The following RNF39 variants were observed in gnomAD, a reference collection of about 807,000 sequenced individuals.
RNF39 encodes LTP (long-term potentiation) induced RING finger protein.
In RNF39, 25 loss-of-function variants were observed where a neutral mutation model predicts 29.2. The observed-to-expected ratio is 0.86, with a 90% CI of 0.62 to 1.20. The LOEUF is 1.20. Ranked by LOEUF, RNF39 falls within the 50% of genes most tolerant of loss-of-function variation. The pLI is 0.00. For synonymous variants in RNF39, 219 were observed against 229.0 expected (o/e 0.96, Z 0.40); for missense variants, 519 against 515.0 (o/e 1.01, Z -0.08).
chr6:30,071,537 G>C lies in RNF39; in HGVS notation c.633C>G (p.Phe211Leu), dbSNP rs2127316997. The change falls in exon 4 of 4, where the codon TTC (phenylalanine) becomes TTG (leucine). Residue 211 changes from phenylalanine to leucine, a missense_variant. Coordinates refer to ENST00000244360, the MANE Select transcript of RNF39 (RefSeq NM_025236.4). This position sits in a 1 kb window ranked among gnomAD's most constrained non-coding sequence, Gnocchi z 5.0. Reference protein sequence around the residue: ...QLPAVLGAQGFGAGRHCWEVE... With the variant: ...QLPAVLGAQGLGAGRHCWEVE... ...CCTCCCAGCAGTGGCGGCCGGCCCCGAAGCCCTGCGCACCCAGCACAGCTG... is the reference window on the plus strand; with the variant it reads ...CCTCCCAGCAGTGGCGGCCGGCCCCCAAGCCCTGCGCACCCAGCACAGCTG... 5.3e-6 allele frequency: 8 copies of C among 1,522,674 alleles called. No individual in the cohort carries two copies. The highest frequency in any genetic ancestry group is 7.0e-6 in the Non-Finnish European group (8 of 1,139,930). The allele number at this position is 1,522,674 out of a possible 1,614,324, so 94.3% of individuals were successfully genotyped here.
In RNF39 at chr6:30,072,175, G is replaced by C. The variant is rs1766044258; in HGVS notation, c.479-484C>G. On this transcript the variant is annotated intron_variant, in intron 3 of 3. Coordinates refer to ENST00000244360, the MANE Select transcript of RNF39 (RefSeq NM_025236.4). This position sits in a 1 kb window ranked among gnomAD's most constrained non-coding sequence, Gnocchi z 4.5. ...GGGAGGGGCACAGGGAGGAATCCAAGGTATCCTGAGAAACCAGCCCACCCA... is the reference window on the plus strand; with the variant it reads ...GGGAGGGGCACAGGGAGGAATCCAACGTATCCTGAGAAACCAGCCCACCCA... Among the ~76,000 whole-genome samples, 1 of 152,072 alleles carries C rather than the reference G, an allele frequency of 6.6e-6. No homozygotes were observed. Among genetic ancestry groups the C allele is most frequent in the Non-Finnish European group, 1.5e-5 (1 of 68,010 alleles).
In RNF39 at chr6:30,073,197, T is replaced by A; in HGVS notation, c.438A>T (p.Glu146Asp). ...KSSNSEDDLP[E>D]DYPVVKKMLH... ...GCATTTTTTTGACCACTGGATAATC[T>A]TCAGGGAGATCATCCTCTGAATTAG... Residue 146 changes from glutamate (E) to aspartate (D), a missense_variant, in exon 3 of 4, where the codon GAA becomes GAT. Physicochemically the swap from Glu to Asp is conservative, Grantham distance 45. Coordinates refer to ENST00000244360, the MANE Select transcript of RNF39 (RefSeq NM_025236.4). 1.2e-6 allele frequency: 2 copies of A among 1,612,596 alleles called. No homozygotes were observed. The highest frequency in any genetic ancestry group is 1.7e-6 in the Non-Finnish European group (2 of 1,178,628).
chr6:30,073,092 T>G, intron 3 of RNF39, 65 bp downstream of exon 3: 1 of 1,201,808 alleles, frequency 8.3e-7, no homozygotes, highest in Non-Finnish European at 1.2e-6. Context: ...TTTTTAGGGC[T>G]AAAAGGAAGA....
rs1765928572 is a variant in RNF39, at chr6:30,071,209, C to T, written c.961G>A (p.Ala321Thr). ...YDGRSLDLLY[A>T]FQAPGPLGER... Reference sequence around the variant, plus strand: ...CCCAGGGGGCCAGGCGCCTGGAAGGCGTAAAGCAGGTCGAGTGAGCGGCCG... The same window carrying T: ...CCCAGGGGGCCAGGCGCCTGGAAGGTGTAAAGCAGGTCGAGTGAGCGGCCG... The change falls in exon 4 of 4, where the codon GCC becomes ACC. Residue 321 changes from alanine to threonine, a missense_variant. Physicochemically the swap from Ala to Thr is moderately conservative, Grantham distance 58 (BLOSUM62 0). Transcript: ENST00000244360. This position sits in a 1 kb window ranked among gnomAD's most constrained non-coding sequence, Gnocchi z 5.0. 2 of 1,515,746 alleles carry T rather than the reference C, an allele frequency of 1.3e-6. No individual in the cohort carries two copies. Among genetic ancestry groups the T allele is most frequent in the African/African-American group, 1.4e-5 (1 of 71,702 alleles). The allele number at this position is 1,515,746 out of a possible 1,614,324, so 93.9% of individuals were successfully genotyped here.
At chr6:30,073,024 G>T in intron 3 of RNF39, 133 bp downstream of exon 3, 1 of 657,844 alleles carries the variant, frequency 1.5e-6, no homozygotes. Flanking sequence ...CTACTTTGCG[G>T]TGCTTCATTA....
At chr6:30,073,037 G>T in intron 3 of RNF39, 120 bp downstream of exon 3, 1 of 707,614 alleles carries the variant, frequency 1.4e-6, no homozygotes. Context: ...CTTCATTAGA[G>T]CAGTACTAGG....
rs1309926576 is a variant in RNF39, at chr6:30,074,935, C to T, written c.363+288G>A. Among the ~76,000 whole-genome samples, 2 of 152,048 alleles carry T rather than the reference C, an allele frequency of 1.3e-5. No homozygotes were observed. Among genetic ancestry groups the T allele is most frequent in the African/African-American group, 2.4e-5 (1 of 41,404 alleles). ...AGGGCTCTCCGCGTTCTATCCGGTA[C>T]CCCTTCTCTGCCTCCCCAGTCTCTT... is the stretch of plus-strand genomic sequence containing the variant. On this transcript the variant is annotated intron_variant, in intron 1 of 3. Coordinates refer to ENST00000244360, the MANE Select transcript of RNF39 (RefSeq NM_025236.4). The surrounding 1 kb of genome is among the most constrained non-coding windows in gnomAD (Gnocchi z 4.1).
rs1461731184 is a variant in RNF39 at position 30,072,216 on chromosome 6, G to A, written c.479-525C>T. 6.6e-6 allele frequency among the ~76,000 whole-genome samples: 1 copy of A among 152,128 alleles called. No homozygotes were observed. The highest frequency in any genetic ancestry group is 1.5e-5 in the Non-Finnish European group (1 of 68,006). On this transcript the variant is annotated intron_variant, in intron 3 of 3. Coordinates refer to ENST00000244360, the MANE Select transcript of RNF39 (RefSeq NM_025236.4). This position sits in a 1 kb window ranked among gnomAD's most constrained non-coding sequence, Gnocchi z 4.5. ...AGCCCACCCACCCACAGGAATTGGGGGGTGGGGTGGACAGTCCTATTTCTG... is the reference window on the plus strand; with the variant it reads ...AGCCCACCCACCCACAGGAATTGGGAGGTGGGGTGGACAGTCCTATTTCTG...
Position 30,070,275 on chromosome 6 carries a change from C to T in RNF39, c.*836G>A, listed in dbSNP as rs144268715. 1 of 156,480 alleles carries T rather than the reference C, an allele frequency of 6.4e-6. No individual in the cohort carries two copies. Among genetic ancestry groups the T allele is most frequent in the East Asian group, 1.9e-4 (1 of 5,318 alleles). 9.7% of individuals were successfully genotyped at this position (156,480 alleles called of 1,614,324 possible). A position where few individuals can be genotyped will look rare whatever the true frequency, so the allele number is the denominator to read the frequency against. ...ACAGAGATCAGTCAAATCCATACCA[C>T]CACTGAGATCTCATTTATTGCCACA... On this transcript the variant is annotated 3_prime_UTR_variant, in exon 4 of 4. Coordinates refer to ENST00000244360, the MANE Select transcript of RNF39 (RefSeq NM_025236.4).
Position 30,071,656 on chromosome 6 carries a change from G to A in RNF39, c.514C>T (p.Arg172Cys). The A allele has an allele frequency of 2.1e-6, 3 of 1,430,528 alleles. No individual in the cohort carries two copies. Among genetic ancestry groups the A allele is most frequent in the Non-Finnish European group, 2.7e-6 (3 of 1,098,880 alleles). 88.6% of individuals were successfully genotyped at this position (1,430,528 alleles called of 1,614,324 possible). A position where few individuals can be genotyped will look rare whatever the true frequency, so the allele number is the denominator to read the frequency against. The change falls in exon 4 of 4, where the codon CGC (arginine) becomes TGC (cysteine). Residue 172 changes from arginine to cysteine, a missense_variant. Transcript: ENST00000244360. This position sits in a 1 kb window ranked among gnomAD's most constrained non-coding sequence, Gnocchi z 5.0. ...LTLDPGTAHR[R>C]LLISADRRSV... ...CGGCGGTCGGCGGAGATGAGCAGGC[G>A]GCGGTGTGCGGTCCCAGGGTCCAGG...
At chr6:30,075,084 C>G (rs2285805) in intron 1 of RNF39, 139 bp downstream of exon 1, 72,633 of 902,694 alleles carry the variant, frequency 0.08, 4,441 homozygotes, top group African/African-American at 0.22. Flanking sequence ...TCCTCGCCCC[C>G]TCATCCTTTG....
rs552352201 is a variant in RNF39 at position 30,071,867 on chromosome 6, T to TG, written c.479-177dup. On this transcript the variant is annotated intron_variant, in intron 3 of 3. Transcript: ENST00000244360. This position sits in a 1 kb window ranked among gnomAD's most constrained non-coding sequence, Gnocchi z 5.0. ...AAGGAAGGCATATGAAGAGCAGACC[T>TG]GGGCAATATCAGACCTTGTACTGAT... is the stretch of plus-strand genomic sequence containing the variant. 2.4e-3 allele frequency among the ~76,000 whole-genome samples: 367 copies of TG among 152,280 alleles called. 3 individuals carry two copies. Among genetic ancestry groups the TG allele is most frequent in the African/African-American group, 7.5e-3 (312 of 41,556 alleles).
chr6:30,073,323 T>A (rs1353991260), intron 2 of RNF39, 75 bp from the exon 3 acceptor site: 2 of 1,493,858 alleles, frequency 1.3e-6, no homozygotes, highest in Non-Finnish European at 1.9e-6. Flanking sequence ...CACTCACATC[T>A]CTGGAGGAAG....
At position 30,075,686 on chromosome 6, in the gene RNF39, T is replaced by G; in HGVS notation, c.-101A>C. 1.2e-6 allele frequency: 2 copies of G among 1,613,442 alleles called. No homozygotes were observed. Among genetic ancestry groups the G allele is most frequent in the Non-Finnish European group, 8.5e-7 (1 of 1,179,776 alleles). On this transcript the variant is annotated 5_prime_UTR_variant, in exon 1 of 4. Transcript: ENST00000244360. ...CCTGCTGCTTGCTGTGTAGATGCCC[T>G]TCTCTCCGACTCCCGCATTAACTTT... is the stretch of plus-strand genomic sequence containing the variant.
At position 30,071,604 on chromosome 6, in the gene RNF39, G is replaced by C; in HGVS notation, c.566C>G (p.Thr189Arg). The change falls in exon 4 of 4, where the codon ACG (threonine) becomes AGG (arginine). Residue 189 changes from threonine to arginine, a missense_variant. Physicochemically the swap from Thr to Arg is moderately conservative, Grantham distance 71. Coordinates refer to ENST00000244360, the MANE Select transcript of RNF39 (RefSeq NM_025236.4). This position sits in a 1 kb window ranked among gnomAD's most constrained non-coding sequence, Gnocchi z 5.0. ...CTTGGGGCCGTCAGGGGGCGCGGGCGTCCCTGGTGGGGCCAGTTGTACGCT... is the reference window on the plus strand; with the variant it reads ...CTTGGGGCCGTCAGGGGGCGCGGGCCTCCCTGGTGGGGCCAGTTGTACGCT... Reference protein sequence around the residue: ...RRSVQLAPPGTPAPPDGPKRF... With the variant: ...RRSVQLAPPGRPAPPDGPKRF... 6.8e-7 allele frequency: 1 copy of C among 1,463,464 alleles called. No individual in the cohort carries two copies. The highest frequency in any genetic ancestry group is 9.0e-7 in the Non-Finnish European group (1 of 1,114,344). 90.7% of individuals were successfully genotyped at this position (1,463,464 alleles called of 1,614,324 possible).
chr6:30,074,616 C>T lies in RNF39; in HGVS notation c.363+607G>A, dbSNP rs905720821. Among the ~76,000 whole-genome samples the T allele has an allele frequency of 1.3e-5, 2 of 152,138 alleles. No homozygotes were observed. Among genetic ancestry groups the T allele is most frequent in the Non-Finnish European group, 1.5e-5 (1 of 67,996 alleles). On this transcript the variant is annotated intron_variant, in intron 1 of 3. Transcript: ENST00000244360. The surrounding 1 kb of genome is among the most constrained non-coding windows in gnomAD (Gnocchi z 4.1). ...TCCGAGACCAACCCCCACGACGCTACGGGGAGGTTTGGATATGCCCCAACC... is the reference window on the plus strand; with the variant it reads ...TCCGAGACCAACCCCCACGACGCTATGGGGAGGTTTGGATATGCCCCAACC...
Position 30,071,830 on chromosome 6 carries a change from A to C in RNF39, c.479-139T>G. On this transcript the variant is annotated intron_variant, in intron 3 of 3. Coordinates refer to ENST00000244360, the MANE Select transcript of RNF39 (RefSeq NM_025236.4). This position sits in a 1 kb window ranked among gnomAD's most constrained non-coding sequence, Gnocchi z 5.0. ...ACACAACAGCTCAAAAGGCGACTGC[A>C]GGACCAAAAAGAAGGAAGGCATATG... The C allele has an allele frequency of 4.4e-6, 3 of 680,332 alleles. No homozygotes were observed. Among genetic ancestry groups the C allele is most frequent in the Non-Finnish European group, 6.7e-6 (3 of 445,598 alleles). 42.1% of individuals were successfully genotyped at this position (680,332 alleles called of 1,614,324 possible).
intron 3 of RNF39, 82 bp downstream of exon 3, chr6:30,073,075 T>C (rs1272512209): frequency 5.1e-6 from 5 of 972,328 alleles, no homozygotes; most frequent in Non-Finnish European, 8.3e-6. Flanking sequence ...AAAAAGGACC[T>C]GATCACTTTT....
chr6:30,070,954 G>C lies in RNF39; in HGVS notation c.*157C>G, dbSNP rs186437549. Reference sequence around the variant, plus strand: ...CAGGGACGTGGAAACGTGGAGACCAGGTGAGGTCTCATTATTTTGGGGCGA... The same window carrying C: ...CAGGGACGTGGAAACGTGGAGACCACGTGAGGTCTCATTATTTTGGGGCGA... On this transcript the variant is annotated 3_prime_UTR_variant, in exon 4 of 4. Transcript: ENST00000244360. 5 of 742,566 alleles carry C rather than the reference G, an allele frequency of 6.7e-6. No homozygotes were observed. In the Admixed American group the frequency reaches 1.0e-4, roughly 15 times the overall value. 46.0% of individuals were successfully genotyped at this position (742,566 alleles called of 1,614,324 possible).
Sources: allele counts gnomAD v4.1 joint callset (sites outside exome capture counted in the v4.1 genomes callset), GRCh38; gene constraint gnomAD v4.1.1; non-coding constraint Gnocchi (gnomAD v3.1); transcripts MANE v1.5; gene names NCBI Gene and HGNC (gene_info 2026-07-23, HGNC 2026-07-21).